Variants in DPP6 observed in about 807,000 individuals in gnomAD.
DPP6 encodes dipeptidyl peptidase like 6.
A neutral mutation model predicts 122.6 loss-of-function variants in DPP6; 69 were observed. The observed-to-expected ratio is 0.56, with a 90% CI of 0.46 to 0.69. DPP6 has a LOEUF of 0.69. DPP6 is among the 30% of genes least tolerant of loss of function. The probability of loss-of-function intolerance (pLI) is 0.00; values close to 1 mark genes in which losing one functional copy is unlikely to be tolerated. For missense variants in DPP6, 928 were observed against 1,116.9 expected (o/e 0.83, Z 2.41); for synonymous variants, 418 against 433.1 (o/e 0.97, Z 0.43).
intron 8 of DPP6, among the ~76,000 whole-genome samples, chr7:154,728,405 GC>G (rs1468735090): frequency 1.3e-5 from 2 of 152,194 alleles, no homozygotes; most frequent in Non-Finnish European, 2.9e-5. Context: ...CCACTGGTTT[GC>G]CTTTGGCACC....
At chr7:153,839,414 A>T in the DPP6 span, among the ~76,000 whole-genome samples, 1 of 152,138 alleles carries the variant, frequency 6.6e-6, no homozygotes, top group Non-Finnish European at 1.5e-5. Context: ...AGGTTTTGCA[A>T]TGCAATGGTG....
chr7:154,511,246 T>C (rs1473721664), intron 3 of DPP6, among the ~76,000 whole-genome samples: 1 of 152,100 alleles, frequency 6.6e-6, no homozygotes, highest in Non-Finnish European at 1.5e-5. Flanking sequence ...ACAAAACATC[T>C]AGCATGCATT....
intron 1 of DPP6, among the ~76,000 whole-genome samples, chr7:154,247,334 A>C (rs1011375927): frequency 6.6e-6 from 1 of 152,206 alleles, no homozygotes; most frequent in Non-Finnish European, 1.5e-5. Flanking sequence ...AGAATCGTCA[A>C]GTAACATATT....
chr7:154,639,367 G>A (rs1835921048), intron 6 of DPP6, among the ~76,000 whole-genome samples: 1 of 152,120 alleles, frequency 6.6e-6, no homozygotes, highest in South Asian at 2.1e-4. Context: ...CTTCAGTAAA[G>A]AGGAATTATC....
Position 154,833,609 on chromosome 7 carries a change from C to T in DPP6, c.1667-20171C>T, listed in dbSNP as rs536884065. Among the ~76,000 whole-genome samples, 12 of 152,188 alleles carry T rather than the reference C, an allele frequency of 7.9e-5. No individual in the cohort carries two copies. In the South Asian group the frequency reaches 2.1e-3, roughly 26 times the overall value. On this transcript the variant is annotated intron_variant, in intron 16 of 25. Transcript: ENST00000377770. This position sits in a 1 kb window ranked among gnomAD's most constrained non-coding sequence, Gnocchi z 4.3. ...CTGATGTCATCCGTCATTGTAGCTCCGACTCTGACTCCGTATCTCAGAGGT... is the reference window on the plus strand; with the variant it reads ...CTGATGTCATCCGTCATTGTAGCTCTGACTCTGACTCCGTATCTCAGAGGT...
intron 1 of DPP6, among the ~76,000 whole-genome samples, chr7:154,087,974 G>A (rs905317906): frequency 9.2e-5 from 14 of 152,206 alleles, no homozygotes; most frequent in African/African-American, 3.4e-4. Flanking sequence ...CAGACCTGCT[G>A]CAGAGCCTGG....
chr7:154,869,848 C>T (rs1804237564), intron 18 of DPP6, among the ~76,000 whole-genome samples: 1 of 145,432 alleles, frequency 6.9e-6, no homozygotes, highest in Non-Finnish European at 1.5e-5. Flanking sequence ...CCCACCCCCA[C>T]CCCCACCCCT....
intron 7 of DPP6, among the ~76,000 whole-genome samples, chr7:154,699,402 G>C (rs1345312401): frequency 6.6e-6 from 1 of 152,192 alleles, no homozygotes; most frequent in Non-Finnish European, 1.5e-5. Flanking sequence ...AAGATTTGTG[G>C]AGTGAGAGAG....
intron 1 of DPP6, among the ~76,000 whole-genome samples, chr7:154,158,570 G>A (rs1796815020): frequency 6.6e-6 from 1 of 151,544 alleles, no homozygotes; most frequent in Admixed American, 6.6e-5. Flanking sequence ...TTTTCTCTCT[G>A]CATTGTCTCT....
intron 1 of DPP6, among the ~76,000 whole-genome samples, chr7:154,230,462 G>A (rs1800858844): frequency 6.6e-6 from 1 of 152,152 alleles, no homozygotes; most frequent in African/African-American, 2.4e-5. Context: ...ATTTCCACGT[G>A]GGTCTTGTGC....
chr7:153,825,807 C>T, the DPP6 span, among the ~76,000 whole-genome samples: 6 of 152,206 alleles, frequency 3.9e-5, no homozygotes, highest in Admixed American at 6.5e-5. Context: ...GCAGTCTGCC[C>T]GCCTCAACCT....
upstream of DPP6, among the ~76,000 whole-genome samples, chr7:154,051,456 G>A (rs1308724802): frequency 6.6e-6 from 1 of 151,068 alleles, no homozygotes; most frequent in Admixed American, 6.6e-5. Context: ...GGCCGGGAGG[G>A]GAAGAGAAGC....
intron 1 of DPP6, among the ~76,000 whole-genome samples, chr7:154,142,175 C>T (rs532286376): frequency 1.3e-5 from 2 of 151,538 alleles, no homozygotes; most frequent in East Asian, 1.9e-4. Flanking sequence ...CACACATACT[C>T]AGTTAAGTGG....
In DPP6 at chr7:154,130,839, G is replaced by T. The variant is rs145428052; in HGVS notation, c.243+77776G>T. Among the ~76,000 whole-genome samples the T allele has an allele frequency of 2.9e-3, 440 of 152,192 alleles. 3 individuals are homozygous for T. The highest frequency in any genetic ancestry group is 0.029 in the East Asian group (149 of 5,186). ...TCCACAATAAAAAAAAATAAAGCAA[G>T]AGTAGCCCCTGCAAGACGCCAAAAC... On this transcript the variant is annotated intron_variant, in intron 1 of 25. Transcript: ENST00000377770.
intron 1 of DPP6, among the ~76,000 whole-genome samples, chr7:154,296,526 C>T (rs1238432539): frequency 6.6e-6 from 1 of 152,160 alleles, no homozygotes; most frequent in African/African-American, 2.4e-5. Flanking sequence ...GGGCTCAGGC[C>T]CAGCCTCCTG....
At chr7:154,030,647 C>T (rs530849584) in intron 1 of DPP6, among the ~76,000 whole-genome samples, 1 of 152,154 alleles carries the variant, frequency 6.6e-6, no homozygotes, top group Admixed American at 6.5e-5. Context: ...CTTGGGAAGG[C>T]GTCCACGTTC....
the DPP6 span, among the ~76,000 whole-genome samples, chr7:153,766,985 C>G: frequency 6.6e-6 from 1 of 151,846 alleles, no homozygotes; most frequent in Non-Finnish European, 1.5e-5. Context: ...GGTTGTGGGG[C>G]CCTAAGTTGA....
Position 154,391,523 on chromosome 7 carries a change from A to G in DPP6, c.244-54691A>G, listed in dbSNP as rs185707774. 1.1e-4 allele frequency among the ~76,000 whole-genome samples: 16 copies of G among 152,074 alleles called. No individual in the cohort carries two copies. The East Asian group carries it at 3.1e-3, about 29-fold the overall frequency. On this transcript the variant is annotated intron_variant, in intron 1 of 25. Transcript: ENST00000377770. ...TTAAACTGTACTCCTCTTAAAACCTATTTCTCCTTAATTCAGGTTACAGGG... is the reference window on the plus strand; with the variant it reads ...TTAAACTGTACTCCTCTTAAAACCTGTTTCTCCTTAATTCAGGTTACAGGG...
intron 1 of DPP6, among the ~76,000 whole-genome samples, chr7:153,902,777 A>C (rs1207788476): frequency 1.3e-5 from 2 of 152,118 alleles, no homozygotes; most frequent in African/African-American, 4.8e-5. Flanking sequence ...GGGAGGTTGC[A>C]GTGAGCCGAG....
Sources: gnomAD v4.1 joint callset for allele counts (sites outside exome capture counted in the v4.1 genomes callset) on GRCh38, gnomAD v4.1.1 for gene constraint, Gnocchi (gnomAD v3.1) non-coding constraint, MANE v1.5 for transcripts, NCBI Gene and HGNC (gene_info 2026-07-23, HGNC 2026-07-21) for gene names.